Variants in ATXN2 observed in about 807,000 individuals in gnomAD.
ATXN2 encodes the protein ataxin-2.
Under a neutral mutation model 138.6 loss-of-function variants are expected in ATXN2, and 37 were observed. The ratio of observed to expected loss-of-function variants is 0.27; its 90% CI spans 0.21 to 0.35. The LOEUF (loss-of-function observed/expected upper bound fraction) is 0.35. Among genes scored for constraint, ATXN2 ranks in the 10% least tolerant of loss-of-function variants. ATXN2 has a pLI of 1.00. For synonymous variants in ATXN2, 549 were observed against 543.7 expected (o/e 1.01, Z -0.13); for missense variants, 1,216 against 1,480.3 (o/e 0.82, Z 2.93).
intron 1 of ATXN2, among the ~76,000 whole-genome samples, chr12:111,580,430 C>T (rs763641464): frequency 8.0e-5 from 12 of 150,520 alleles, no homozygotes; most frequent in Non-Finnish European, 1.6e-4. Flanking sequence ...CCCAAGAATT[C>T]GAGGTTACAC....
intron 1 of ATXN2, chr12:111,581,683 C>T (rs1171684218): frequency 5.8e-6 from 4 of 691,504 alleles, no homozygotes; most frequent in African/African-American, 1.8e-5. Context: ...ATGCCTTTAC[C>T]GCCAAGTGCC....
At chr12:111,485,123 T>A in intron 18 of ATXN2, 142 bp downstream of exon 18, 1 of 679,474 alleles carries the variant, frequency 1.5e-6, no homozygotes, top group African/African-American at 1.8e-5. Context: ...TGAATATCTA[T>A]GTAATGTTGT....
Position 111,529,319 on chromosome 12 carries a change from G to T in ATXN2, c.572-4003C>A, listed in dbSNP as rs1035598023. The stretch of plus-strand genomic sequence containing the variant: ...CCCTATGGTGAGAAACAAAAGCATT[G>T]TAACAACAAGATGCAAGAATACAAC... On this transcript the variant is annotated intron_variant, in intron 5 of 24. Transcript: ENST00000673436. 2.6e-5 allele frequency among the ~76,000 whole-genome samples: 4 copies of T among 151,788 alleles called. No individual in the cohort carries two copies. The East Asian group carries it at 5.8e-4, about 22-fold the overall frequency.
intron 1 of ATXN2, among the ~76,000 whole-genome samples, chr12:111,588,793 A>G (rs1461784014): frequency 2.0e-5 from 3 of 150,664 alleles, no homozygotes; most frequent in Non-Finnish European, 4.4e-5. Context: ...AGATTGAGAC[A>G]ATCCTGGCTA....
At position 111,552,523 on chromosome 12, in the gene ATXN2, G is replaced by T; in HGVS notation, c.421-93C>A. On this transcript the variant is annotated intron_variant, in intron 4 of 24. Transcript: ENST00000673436. This position sits in a 1 kb window ranked among gnomAD's most constrained non-coding sequence, Gnocchi z 4.1. ...CTCATCAAGGTACCAGTTCTTATAT[G>T]CCTTTGACAAAAATAATCTCAAGAG... The T allele has an allele frequency of 1.6e-6, 2 of 1,269,120 alleles. No homozygotes were observed. The highest frequency in any genetic ancestry group is 1.1e-6 in the Non-Finnish European group (1 of 935,258). The allele number at this position is 1,269,120 out of a possible 1,614,324, so 78.6% of individuals were successfully genotyped here.
chr12:111,576,636 G>T (rs1321653768), intron 1 of ATXN2, among the ~76,000 whole-genome samples: 1 of 151,624 alleles, frequency 6.6e-6, no homozygotes, highest in Non-Finnish European at 1.5e-5. Context: ...GATGAGCCAC[G>T]CACAAATGGC....
At chr12:111,530,994 T>A (rs1260974056) in intron 5 of ATXN2, among the ~76,000 whole-genome samples, 1 of 151,890 alleles carries the variant, frequency 6.6e-6, no homozygotes, top group Non-Finnish European at 1.5e-5. Flanking sequence ...GGTGCATGCC[T>A]GTAATCCCAG....
chr12:111,499,188 T>C (rs918042082), intron 14 of ATXN2, among the ~76,000 whole-genome samples: 4 of 152,078 alleles, frequency 2.6e-5, no homozygotes, highest in African/African-American at 7.2e-5. Flanking sequence ...AAAGCAAAGA[T>C]GGACAAATGG....
chr12:111,550,740 G>A (rs747014873), intron 5 of ATXN2, among the ~76,000 whole-genome samples: 1 of 152,244 alleles, frequency 6.6e-6, no homozygotes. Flanking sequence ...AGAACACTGT[G>A]CTTTCATCAG....
chr12:111,538,893 T>C (rs1263016158), intron 5 of ATXN2, among the ~76,000 whole-genome samples: 1 of 149,982 alleles, frequency 6.7e-6, no homozygotes, highest in Non-Finnish European at 1.5e-5. Flanking sequence ...AAAGCCTGAG[T>C]GGTGCAAAAC....
chr12:111,506,789 T>G (rs1026776941), intron 14 of ATXN2, among the ~76,000 whole-genome samples: 15 of 152,178 alleles, frequency 9.9e-5, no homozygotes, highest in African/African-American at 2.2e-4. Context: ...TCAGCCTGCC[T>G]AGTGCCTGTG....
At chr12:111,483,662 AT>A (rs2135695903) in intron 18 of ATXN2, among the ~76,000 whole-genome samples, 1 of 151,894 alleles carries the variant, frequency 6.6e-6, no homozygotes, top group South Asian at 2.1e-4. Flanking sequence ...TGGCCAAAAG[AT>A]TTCCTTTTAA....
intron 23 of ATXN2, chr12:111,455,565 G>A (rs986643051): frequency 3.2e-5 from 9 of 280,690 alleles, no homozygotes; most frequent in Non-Finnish European, 4.9e-5. Context: ...AAAACAATTG[G>A]AGAGATGTGT....
At position 111,470,509 on chromosome 12, in the gene ATXN2, G is replaced by GT. The variant is rs1445167083; in HGVS notation, c.2709+48dup. The GT allele has an allele frequency of 2.5e-6, 4 of 1,581,852 alleles. No homozygotes were observed. The South Asian group carries it at 3.4e-5, about 13-fold the overall frequency. On this transcript the variant is annotated intron_variant, in intron 19 of 24. Transcript: ENST00000673436. ...GGAAAATCCCTTTACCATATTAAAAGTTTTTTTATATGGTACAAAAATTAA... is the reference window on the plus strand; with the variant it reads ...GGAAAATCCCTTTACCATATTAAAAGTTTTTTTTATATGGTACAAAAATTAA...
At chr12:111,584,585 C>T (rs780583248) in intron 1 of ATXN2, among the ~76,000 whole-genome samples, 1 of 151,910 alleles carries the variant, frequency 6.6e-6, no homozygotes, top group African/African-American at 2.4e-5. Context: ...GTAATCCCAG[C>T]ACTTTGGGAG....
Position 111,598,999 on chromosome 12 carries a change from C to G in ATXN2, c.36G>C (p.Gln12His), listed in dbSNP as rs758122565. 1.3e-6 allele frequency: 2 copies of G among 1,492,980 alleles called. No homozygotes were observed. Among genetic ancestry groups the G allele is most frequent in the Non-Finnish European group, 1.8e-6 (2 of 1,122,178 alleles). The allele number at this position is 1,492,980 out of a possible 1,614,324, so 92.5% of individuals were successfully genotyped here. The part of the protein sequence containing the change: ...SLKPQQQQQQ[Q>H]QQQQQQQQQQ... ...GCTGTTGCTGCTGCTGCTGCTGCTG[C>G]TGCTGCTGCTGCTGCTGCTGGGGCT... The change falls in exon 1 of 25, where the codon CAG becomes CAC. Residue 12 changes from glutamine to histidine, a missense_variant. Gln to His is a conservative substitution (Grantham distance 24, BLOSUM62 0). Transcript: ENST00000673436. This position sits in a 1 kb window ranked among gnomAD's most constrained non-coding sequence, Gnocchi z 4.5.
In ATXN2 at chr12:111,464,694, T is replaced by C. The variant is rs770535258; in HGVS notation, c.2864A>G (p.Asn955Ser). The change falls in exon 21 of 25, where the codon AAC becomes AGC. Residue 955 changes from asparagine (N) to serine (S), a missense_variant. Physicochemically the swap from Asn to Ser is conservative, Grantham distance 46. Coordinates refer to ENST00000673436, the MANE Select transcript of ATXN2 (RefSeq NM_001372574.1). The part of the protein sequence containing the change: ...AMYACPKLPY[N>S]KETSPSFYFA... ...GTAGAAAGAAGGGCTTGTCTCCTTG[T>C]TGTATGGTAATTTGGGACATGCTGA... 15 of 1,611,310 alleles carry C rather than the reference T, an allele frequency of 9.3e-6. No individual in the cohort carries two copies. The Admixed American group carries it at 2.5e-4, about 27-fold the overall frequency.
chr12:111,518,318 A>C lies in ATXN2; in HGVS notation c.1096T>G (p.Ser366Ala). The C allele has an allele frequency of 6.2e-7, 1 of 1,613,096 alleles. No individual in the cohort carries two copies. The highest frequency in any genetic ancestry group is 8.5e-7 in the Non-Finnish European group (1 of 1,179,280). Reference sequence around the variant, plus strand: ...TCTGAAGTGTGAGAAGTGGATCTTGATGGCATGGAGCCCGATCCAGGCTGG... The same window carrying C: ...TCTGAAGTGTGAGAAGTGGATCTTGCTGGCATGGAGCCCGATCCAGGCTGG... ...MGQPGSGSMP[S>A]RSTSHTSDFN... The change falls in exon 9 of 25, where the codon TCA (serine) becomes GCA (alanine). Residue 366 changes from serine to alanine, a missense_variant. Coordinates refer to ENST00000673436, the MANE Select transcript of ATXN2 (RefSeq NM_001372574.1).
intron 18 of ATXN2, among the ~76,000 whole-genome samples, chr12:111,472,096 C>T (rs979974623): frequency 6.6e-6 from 1 of 151,996 alleles, no homozygotes; most frequent in Non-Finnish European, 1.5e-5. Flanking sequence ...GAGACACTGC[C>T]TCCACAAAAA....
Sources: allele counts gnomAD v4.1 joint callset (sites outside exome capture counted in the v4.1 genomes callset), GRCh38; gene constraint gnomAD v4.1.1; non-coding constraint Gnocchi (gnomAD v3.1); transcripts MANE v1.5; gene names NCBI Gene and HGNC (gene_info 2026-07-23, HGNC 2026-07-21).